Variants in ABL2 observed in about 807,000 individuals in gnomAD.
The protein encoded by ABL2 is ABL proto-oncogene 2, non-receptor tyrosine kinase, also known as tyrosine-protein kinase ABL2.
In ABL2, 49 loss-of-function variants were observed where a neutral mutation model predicts 107.7. That is an observed-to-expected ratio of 0.45 (90% CI 0.36 to 0.58). The LOEUF is 0.58. ABL2 is among the 20% of genes least tolerant of loss of function. The pLI, the probability that ABL2 is intolerant of heterozygous loss-of-function variation, is 0.00. For synonymous variants in ABL2, 549 were observed against 548.6 expected (o/e 1.00, Z -0.01); for missense variants, 1,245 against 1,457.0 (o/e 0.85, Z 2.37).
intron 1 of ABL2, among the ~76,000 whole-genome samples, chr1:179,196,225 G>A (rs1661298510): frequency 6.6e-6 from 1 of 152,186 alleles, no homozygotes; most frequent in South Asian, 2.1e-4. Context: ...AAATAACATG[G>A]TTTTTTGTCT....
At chr1:179,223,386 C>G (rs1662992452) in intron 1 of ABL2, among the ~76,000 whole-genome samples, 1 of 148,820 alleles carries the variant, frequency 6.7e-6, no homozygotes, top group South Asian at 2.1e-4. Context: ...GCACTCCAGC[C>G]TAGGCAACAG....
chr1:179,199,376 A>G (rs1661520311), intron 1 of ABL2, among the ~76,000 whole-genome samples: 1 of 152,190 alleles, frequency 6.6e-6, no homozygotes, highest in African/African-American at 2.4e-5. Context: ...AGATCCATTT[A>G]AAATTCCATT....
intron 1 of ABL2, among the ~76,000 whole-genome samples, chr1:179,150,066 T>TA (rs200157661): frequency 0.016 from 2,420 of 150,504 alleles, 66 homozygotes; most frequent in African/African-American, 0.055. Flanking sequence ...ACCCCATCTC[T>TA]AAAAAAAAAA....
chr1:179,198,427 C>T (rs566551034), intron 1 of ABL2, among the ~76,000 whole-genome samples: 131 of 151,964 alleles, frequency 8.6e-4, no homozygotes, highest in African/African-American at 3.1e-3. Context: ...GGCGCAGTGG[C>T]CATGCCTGTA....
At chr1:179,139,080 C>T (rs940142935) in intron 1 of ABL2, among the ~76,000 whole-genome samples, 6 of 152,344 alleles carry the variant, frequency 3.9e-5, no homozygotes, top group Non-Finnish European at 8.8e-5. Flanking sequence ...AGCTGCCTTC[C>T]CGCGGGGCAG....
intron 8 of ABL2, among the ~76,000 whole-genome samples, chr1:179,116,095 T>C (rs1654592469): frequency 6.6e-6 from 1 of 152,004 alleles, no homozygotes; most frequent in African/African-American, 2.4e-5. Flanking sequence ...AATGTGAGGC[T>C]GAGCACAGTG....
At chr1:179,112,756 A>T (rs964676255) in intron 9 of ABL2, among the ~76,000 whole-genome samples, 20 of 134,642 alleles carry the variant, frequency 1.5e-4, no homozygotes, top group Non-Finnish European at 2.8e-4. Flanking sequence ...CGCCCAGCTA[A>T]TTTTTTTTTT....
intron 4 of ABL2, among the ~76,000 whole-genome samples, chr1:179,124,126 A>T (rs1264474733): frequency 6.6e-6 from 1 of 151,882 alleles, no homozygotes; most frequent in Non-Finnish European, 1.5e-5. Flanking sequence ...CTGTAGTCCC[A>T]GCTATTGAGG....
In ABL2 at chr1:179,126,484, T is replaced by C; in HGVS notation, c.580A>G (p.Ser194Gly). The C allele has an allele frequency of 6.2e-7, 1 of 1,614,176 alleles. No homozygotes were observed. Among genetic ancestry groups the C allele is most frequent in the Non-Finnish European group, 8.5e-7 (1 of 1,180,042 alleles). Residue 194 changes from serine to glycine, a missense_variant, in exon 4 of 12, where the codon AGC (serine) becomes GGC (glycine). Coordinates refer to ENST00000502732, the MANE Select transcript of ABL2 (RefSeq NM_007314.4). This position sits in a 1 kb window ranked among gnomAD's most constrained non-coding sequence, Gnocchi z 4.4. Reference protein sequence around the residue: ...EYLLSSLINGSFLVRESESSP... With the variant: ...EYLLSSLINGGFLVRESESSP... ...CTCTCACTTTCTCGCACCAGGAAGC[T>C]GCCATTGATTAGACTGCTGAGCAGA... is the stretch of plus-strand genomic sequence containing the variant.
At position 179,118,643 on chromosome 1, in the gene ABL2, C is replaced by G; in HGVS notation, c.1167G>C (p.Met389Ile). 1 of 1,613,468 alleles carries G rather than the reference C, an allele frequency of 6.2e-7. No homozygotes were observed. The highest frequency in any genetic ancestry group is 8.5e-7 in the Non-Finnish European group (1 of 1,179,932). Residue 389 changes from methionine (M) to isoleucine (I), a missense_variant, in exon 7 of 12, where the codon ATG becomes ATC. By Grantham distance (10) the Met-to-Ile change is conservative (BLOSUM62 1). This residue lies in a region of ABL2 where 320 missense variants were observed against 547.0 expected (regional missense o/e 0.59). Coordinates refer to ENST00000502732, the MANE Select transcript of ABL2 (RefSeq NM_007314.4). ...EEVTAVVLLYMATQISSAMEY... is the reference protein window; with the variant it reads ...EEVTAVVLLYIATQISSAMEY... ...CCATTGCAGAAGAAATCTGAGTGGC[C>G]ATGTAGAGCAGCACAACTGCAGTCA...
At chr1:179,136,083 G>GT (rs1553221974) in intron 1 of ABL2, among the ~76,000 whole-genome samples, 1 of 141,398 alleles carries the variant, frequency 7.1e-6, no homozygotes, top group South Asian at 2.3e-4. Flanking sequence ...CAGGAGGGAG[G>GT]TGGGGGGGGT....
intron 1 of ABL2, among the ~76,000 whole-genome samples, chr1:179,195,809 T>C (rs73044767): frequency 0.095 from 14,403 of 152,248 alleles, 714 homozygotes; most frequent in African/African-American, 0.12. Flanking sequence ...TATGATTCCA[T>C]TTATATGAGG....
Position 179,131,484 on chromosome 1 carries a change from G to C in ABL2, c.221-3C>G. The C allele has an allele frequency of 1.2e-6, 2 of 1,613,184 alleles. No individual in the cohort carries two copies. The highest frequency in any genetic ancestry group is 1.7e-6 in the Non-Finnish European group (2 of 1,179,220). ...ACCATAGGGACGATGCAAAGCTTCT[G>C]AAAGACATAAGAAGGGAAGGGAATT... On this transcript the variant is annotated splice_polypyrimidine_tract_variant and splice_region_variant and intron_variant, in intron 2 of 11. Transcript: ENST00000502732.
At position 179,224,134 on chromosome 1, in the gene ABL2, C is replaced by CAAAAAAA. The variant is rs1181284107; in HGVS notation, c.157+5100_157+5106dup. On this transcript the variant is annotated intron_variant, in intron 1 of 11. Coordinates refer to ENST00000502732, the MANE Select transcript of ABL2 (RefSeq NM_007314.4). Reference sequence around the variant, plus strand: ...CAAGAGAGTGAGACCCTACTCACTACAAAAAAAAAAAAAAAAAAAAAAAAC... The same window carrying CAAAAAAA: ...CAAGAGAGTGAGACCCTACTCACTACAAAAAAAAAAAAAAAAAAAAAAAAAAAAAAAC... Among the ~76,000 whole-genome samples, 53 of 34,468 alleles carry CAAAAAAA rather than the reference C, an allele frequency of 1.5e-3. 1 individual carries two copies. The highest frequency in any genetic ancestry group is 2.8e-3 in the East Asian group (2 of 712). 22.6% of individuals were successfully genotyped at this position (34,468 alleles called of 152,430 possible). A position where few individuals can be genotyped will look rare whatever the true frequency, so the allele number is the denominator to read the frequency against.
chr1:179,210,503 C>CAAAAA (rs113814284), intron 1 of ABL2, among the ~76,000 whole-genome samples: 100 of 94,030 alleles, frequency 1.1e-3, no homozygotes, highest in South Asian at 2.3e-3. Flanking sequence ...CTCTAACTCA[C>CAAAAA]AAAAAAAAAA....
chr1:179,146,479 T>A (rs951730131), intron 1 of ABL2, among the ~76,000 whole-genome samples: 1 of 152,158 alleles, frequency 6.6e-6, no homozygotes, highest in Non-Finnish European at 1.5e-5. Context: ...AGGTTTAAAA[T>A]TTTTTCAGAT....
rs946532324 is a variant in ABL2, at chr1:179,105,755, T to G, written c.*1963A>C. Reference sequence around the variant, plus strand: ...TCTTTCCAATGAAAACTCAATTTTGTTCTTGGTCAAAAATGCCAAACTCTA... The same window carrying G: ...TCTTTCCAATGAAAACTCAATTTTGGTCTTGGTCAAAAATGCCAAACTCTA... On this transcript the variant is annotated 3_prime_UTR_variant, in exon 12 of 12. Transcript: ENST00000502732. The G allele has an allele frequency of 3.1e-5, 7 of 226,514 alleles. No individual in the cohort carries two copies. The highest frequency in any genetic ancestry group is 5.3e-5 in the Non-Finnish European group (6 of 113,906). The allele number at this position is 226,514 out of a possible 1,614,324, so 14.0% of individuals were successfully genotyped here. A position where few individuals can be genotyped will look rare whatever the true frequency, so the allele number is the denominator to read the frequency against.
intron 2 of ABL2, 129 bp downstream of exon 2, chr1:179,133,181 AAT>A (rs1557939276): frequency 3.5e-6 from 5 of 1,447,412 alleles, no homozygotes; most frequent in Non-Finnish European, 4.7e-6. Context: ...TTAATATAAA[AAT>A]AGTTTTATCA....
Position 179,099,509 on chromosome 1 carries a change from ATATAT to A in ABL2, c.*8204_*8208del, listed in dbSNP as rs1469835656. ...AATTAAATTAGAAAAACAACTGAAA[ATATAT>A]TACAATAACAATTAAGAACAAATAC... On this transcript the variant is annotated 3_prime_UTR_variant, in exon 12 of 12. Transcript: ENST00000502732. The A allele has an allele frequency of 4.5e-6, 1 of 223,916 alleles. No homozygotes were observed. Among genetic ancestry groups the A allele is most frequent in the African/African-American group, 2.2e-5 (1 of 44,844 alleles). 13.9% of individuals were successfully genotyped at this position (223,916 alleles called of 1,614,324 possible).
Sources: allele counts gnomAD v4.1 joint callset (sites outside exome capture counted in the v4.1 genomes callset), GRCh38; gene constraint gnomAD v4.1.1; regional missense constraint gnomAD v4.1.1; non-coding constraint Gnocchi (gnomAD v3.1); transcripts MANE v1.5; gene names NCBI Gene and HGNC (gene_info 2026-07-23, HGNC 2026-07-21).